The following CSMD1 variants were observed in gnomAD, a reference collection of about 807,000 sequenced individuals.
CSMD1 encodes the protein CUB and Sushi multiple domains 1.
CSMD1 carries 213 observed loss-of-function variants against 417.5 expected under a neutral mutation model. The ratio of observed to expected loss-of-function variants is 0.51; its 90% CI spans 0.46 to 0.57. The LOEUF is 0.57. Ranked by LOEUF, CSMD1 falls within the 20% of genes least tolerant of loss-of-function variation. The pLI, the probability that CSMD1 is intolerant of heterozygous loss-of-function variation, is 0.00. For missense variants in CSMD1, 6,923 were observed against 4,529.7 expected (o/e 1.53, Z -15.17); for synonymous variants, 2,862 against 1,736.8 (o/e 1.65, Z -16.11).
intron 3 of CSMD1, among the ~76,000 whole-genome samples, chr8:4,058,876 A>C (rs1428156857): frequency 1.3e-5 from 2 of 151,740 alleles, no homozygotes; most frequent in African/African-American, 4.9e-5. Flanking sequence ...AACATTAGAC[A>C]GATCAACGAG....
chr8:4,780,379 T>C (rs1585086929), intron 1 of CSMD1, among the ~76,000 whole-genome samples: 2 of 152,142 alleles, frequency 1.3e-5, no homozygotes, highest in African/African-American at 4.8e-5. Flanking sequence ...TAAAAATCAG[T>C]GGAACTCAAG....
intron 10 of CSMD1, among the ~76,000 whole-genome samples, chr8:3,505,664 G>C (rs1369708463): frequency 6.6e-6 from 1 of 152,046 alleles, no homozygotes; most frequent in Non-Finnish European, 1.5e-5. Flanking sequence ...TCTTTTTTTG[G>C]TAGCATAACA....
intron 49 of CSMD1, among the ~76,000 whole-genome samples, chr8:3,066,379 G>A (rs1389687224): frequency 6.6e-6 from 1 of 152,202 alleles, no homozygotes; most frequent in Admixed American, 6.5e-5. Flanking sequence ...TGAAGATACA[G>A]AGAATCAGTG....
intron 3 of CSMD1, among the ~76,000 whole-genome samples, chr8:4,130,516 G>A (rs766262075): frequency 5.9e-5 from 9 of 152,108 alleles, no homozygotes; most frequent in African/African-American, 1.7e-4. Flanking sequence ...TTGGCTTTCT[G>A]AAGTTTTGCA....
At chr8:4,296,563 G>A (rs983717124) in intron 3 of CSMD1, among the ~76,000 whole-genome samples, 2 of 151,944 alleles carry the variant, frequency 1.3e-5, no homozygotes, top group Admixed American at 6.6e-5. Flanking sequence ...TCAGAGGATG[G>A]ATGTATTTCT....
intron 5 of CSMD1, among the ~76,000 whole-genome samples, chr8:3,757,791 G>A (rs1041030525): frequency 5.9e-5 from 9 of 152,006 alleles, no homozygotes; most frequent in Admixed American, 3.3e-4. Flanking sequence ...AGAGGTTGCA[G>A]TGAGTTGAGA....
At chr8:3,942,633 G>A (rs1247402756) in intron 5 of CSMD1, among the ~76,000 whole-genome samples, 2 of 152,120 alleles carry the variant, frequency 1.3e-5, no homozygotes, top group African/African-American at 4.8e-5. Flanking sequence ...CTACTTACTG[G>A]TTAGCCTCAG....
At chr8:4,576,148 G>T (rs190655526) in intron 2 of CSMD1, among the ~76,000 whole-genome samples, 6 of 152,214 alleles carry the variant, frequency 3.9e-5, no homozygotes, top group South Asian at 4.1e-4. Flanking sequence ...ATTGCAGAAA[G>T]TATGCAGGAC....
intron 51 of CSMD1, among the ~76,000 whole-genome samples, chr8:3,023,593 G>GC (rs1444056338): frequency 6.6e-6 from 1 of 152,064 alleles, no homozygotes; most frequent in Non-Finnish European, 1.5e-5. Context: ...GGAGACCTGA[G>GC]TTTTTCTCTA....
intron 1 of CSMD1, among the ~76,000 whole-genome samples, chr8:4,783,521 C>T (rs2118569): frequency 0.89 from 135,216 of 152,234 alleles, 61,136 homozygotes; most frequent in Non-Finnish European, 0.97. Flanking sequence ...AACATTAAAA[C>T]GTTTATGCAA....
chr8:4,558,713 A>G (rs1798201199), intron 2 of CSMD1, among the ~76,000 whole-genome samples: 1 of 151,998 alleles, frequency 6.6e-6, no homozygotes, highest in Non-Finnish European at 1.5e-5. Context: ...CTAAAAATAC[A>G]AAAAAATTAG....
intron 1 of CSMD1, among the ~76,000 whole-genome samples, chr8:4,955,559 G>C (rs12549231): frequency 6.6e-6 from 1 of 151,718 alleles, no homozygotes; most frequent in African/African-American, 2.4e-5. Context: ...GGGTTCAAGA[G>C]ACTCTCCTGC....
intron 26 of CSMD1, among the ~76,000 whole-genome samples, chr8:3,251,516 C>G (rs900100328): frequency 2.6e-5 from 4 of 152,258 alleles, no homozygotes; most frequent in African/African-American, 9.6e-5. Flanking sequence ...CAGCTTTGTT[C>G]TCTTGGCTTA....
intron 49 of CSMD1, among the ~76,000 whole-genome samples, chr8:3,056,918 C>G (rs1812270077): frequency 6.6e-6 from 1 of 151,894 alleles, no homozygotes; most frequent in Non-Finnish European, 1.5e-5. Context: ...AGATTACTAT[C>G]TACATAGGTT....
At chr8:3,678,609 C>T (rs988595445) in intron 7 of CSMD1, among the ~76,000 whole-genome samples, 5 of 152,150 alleles carry the variant, frequency 3.3e-5, no homozygotes, top group African/African-American at 1.2e-4. Flanking sequence ...TTGGAAAACA[C>T]TCTGCAGGAC....
intron 3 of CSMD1, among the ~76,000 whole-genome samples, chr8:4,179,320 A>T (rs1798226229): frequency 6.6e-6 from 1 of 152,206 alleles, no homozygotes; most frequent in Admixed American, 6.5e-5. Flanking sequence ...AAAACCAAGC[A>T]ATGGGGGAAG....
intron 3 of CSMD1, among the ~76,000 whole-genome samples, chr8:4,183,869 T>A (rs771302997): frequency 6.6e-6 from 1 of 151,922 alleles, no homozygotes; most frequent in African/African-American, 2.4e-5. Flanking sequence ...ACTCAGTGAG[T>A]TTTTTAGTTG....
chr8:3,589,342 G>T (rs1800742470), intron 8 of CSMD1, among the ~76,000 whole-genome samples: 1 of 151,988 alleles, frequency 6.6e-6, no homozygotes, highest in South Asian at 2.1e-4. Flanking sequence ...CAATGCAGGG[G>T]TCCAACACTG....
At chr8:4,248,885 G>A (rs936853751) in intron 3 of CSMD1, among the ~76,000 whole-genome samples, 6 of 148,982 alleles carry the variant, frequency 4.0e-5, no homozygotes, top group Non-Finnish European at 5.9e-5. Context: ...GTTTTCTGTT[G>A]GAAAAAAAAA....
Sources: gnomAD v4.1 joint callset for allele counts (sites outside exome capture counted in the v4.1 genomes callset) on GRCh38, gnomAD v4.1.1 for gene constraint, MANE v1.5 for transcripts, NCBI Gene and HGNC (gene_info 2026-07-23, HGNC 2026-07-21) for gene names.